Variants in HMGB1 observed in about 807,000 individuals in gnomAD.
HMGB1 encodes high mobility group protein B1.
For missense variants in HMGB1, 79 were observed against 253.5 expected (o/e 0.31, Z 4.67); for synonymous variants, 81 against 84.0 (o/e 0.96, Z 0.19).
chr13:30,537,255 A>C (rs1342647301), intron 1 of HMGB1, among the ~76,000 whole-genome samples: 2 of 152,162 alleles, frequency 1.3e-5, no homozygotes, highest in Non-Finnish European at 2.9e-5. Context: ...ACCCAGCCAC[A>C]ACCAAAGCTT....
At chr13:30,502,740 C>T (rs1392989806) in intron 1 of HMGB1, among the ~76,000 whole-genome samples, 3 of 151,922 alleles carry the variant, frequency 2.0e-5, no homozygotes, top group Non-Finnish European at 2.9e-5. Context: ...CTCACTGCAA[C>T]CTCCACCTCA....
At chr13:30,614,478 G>C (rs1950541842) in intron 1 of HMGB1, among the ~76,000 whole-genome samples, 1 of 152,076 alleles carries the variant, frequency 6.6e-6, no homozygotes, top group South Asian at 2.1e-4. Flanking sequence ...CTTGCATAAG[G>C]TCACACAGCA....
At chr13:30,505,926 T>C (rs1887855566) in intron 1 of HMGB1, among the ~76,000 whole-genome samples, 1 of 152,052 alleles carries the variant, frequency 6.6e-6, no homozygotes, top group Non-Finnish European at 1.5e-5. Context: ...GGTTTTGTCA[T>C]GTTCGCCAGG....
intron 1 of HMGB1, among the ~76,000 whole-genome samples, chr13:30,495,454 G>A (rs1438272150): frequency 6.6e-6 from 1 of 151,380 alleles, no homozygotes; most frequent in Non-Finnish European, 1.5e-5. Flanking sequence ...GAGCGACACT[G>A]AATATTTCCC....
chr13:30,616,908 T>C (rs894536926), exon 1 of HMGB1: 5 of 152,166 alleles, frequency 3.3e-5, no homozygotes, highest in Admixed American at 3.3e-4. Flanking sequence ...TGTAAAGAAA[T>C]GGTCAGAAAC....
chr13:30,551,698 C>T (rs1869436208), intron 1 of HMGB1, among the ~76,000 whole-genome samples: 1 of 152,112 alleles, frequency 6.6e-6, no homozygotes, highest in Non-Finnish European at 1.5e-5. Context: ...GTCCCACTAA[C>T]CACTGCAATT....
chr13:30,502,787 T>C (rs1025841394), intron 1 of HMGB1, among the ~76,000 whole-genome samples: 5 of 152,058 alleles, frequency 3.3e-5, no homozygotes, highest in Non-Finnish European at 7.4e-5. Context: ...GTGATTCACC[T>C]GCCTCAGCTT....
At chr13:30,549,313 G>C (rs1221069893) in intron 1 of HMGB1, among the ~76,000 whole-genome samples, 1 of 152,148 alleles carries the variant, frequency 6.6e-6, no homozygotes, top group African/African-American at 2.4e-5. Context: ...TGTCTGACCA[G>C]ATTGGGGCAG....
chr13:30,496,203 A>AT (rs768535498), intron 1 of HMGB1, among the ~76,000 whole-genome samples: 14 of 152,170 alleles, frequency 9.2e-5, no homozygotes, highest in Admixed American at 9.2e-4. Context: ...TTAGGAGAGC[A>AT]TTTTTTTCCT....
chr13:30,615,854 C>T (rs1417053661), intron 1 of HMGB1, among the ~76,000 whole-genome samples: 3 of 152,072 alleles, frequency 2.0e-5, no homozygotes, highest in Admixed American at 6.6e-5. Context: ...TGCAGCTGTT[C>T]GTTAGTTATT....
chr13:30,460,118 T>C lies in HMGB1; in HGVS notation c.*1239A>G, dbSNP rs1407280437. On this transcript the variant is annotated 3_prime_UTR_variant, in exon 5 of 5. Transcript: ENST00000341423. ...CAGATAAACATGACTAATGAATGAG[T>C]TTGTTTTGTAAAGAAAAATCATTCA... 1.3e-5 allele frequency: 2 copies of C among 152,250 alleles called. No homozygotes were observed. Among genetic ancestry groups the C allele is most frequent in the Non-Finnish European group, 2.9e-5 (2 of 67,904 alleles). The allele number at this position is 152,250 out of a possible 1,614,324, so 9.4% of individuals were successfully genotyped here.
rs368122446 is a variant in HMGB1 at position 30,462,547 on chromosome 13, T to C, written c.462A>G (p.Lys154=). 6.8e-6 allele frequency: 11 copies of C among 1,610,534 alleles called. No individual in the cohort carries two copies. The highest frequency in any genetic ancestry group is 9.3e-6 in the Non-Finnish European group (11 of 1,176,986). ...YEKKAAKLKE[K]YEKDIAAYRA... ...AACCCACACTTCTTACCTTTTCATA[T>C]TTTTCCTTCAGCTTCGCAGCCTTCT... Residue 154 remains lysine (K), a synonymous_variant, in exon 4 of 5, where the codon AAA becomes AAG. Transcript: ENST00000341423.
intron 1 of HMGB1, among the ~76,000 whole-genome samples, chr13:30,554,884 G>A (rs1216996880): frequency 3.9e-5 from 6 of 152,100 alleles, no homozygotes; most frequent in Non-Finnish European, 8.8e-5. Context: ...AACAAGACCT[G>A]AAGCCCACTC....
intron 1 of HMGB1, among the ~76,000 whole-genome samples, chr13:30,465,438 C>T (rs981668675): frequency 6.9e-6 from 1 of 144,178 alleles, no homozygotes; most frequent in African/African-American, 2.5e-5. Context: ...GCGCTCCGCG[C>T]ACGCCGCCCG....
intron 1 of HMGB1, among the ~76,000 whole-genome samples, chr13:30,586,482 T>TTTTTG (rs1871155845): frequency 2.0e-5 from 1 of 50,328 alleles, no homozygotes; most frequent in Non-Finnish European, 3.9e-5. Context: ...TTTTTTTGTT[T>TTTTTG]TTTTTTTTTT....
rs1868575663 is a variant in HMGB1, at chr13:30,538,482, C to CTTTCTTTCTTTCTTTCTT, written c.-14-74806_-14-74789dup. On this transcript the variant is annotated intron_variant, in intron 1 of 4. Coordinates refer to the HMGB1 transcript ENST00000405805. ...TCTTTCTTTCTTTCTTTCTTTCTTTCTTTCTTTCTTTCTTTCTTTCTTTCT... is the reference window on the plus strand; with the variant it reads ...TCTTTCTTTCTTTCTTTCTTTCTTTCTTTCTTTCTTTCTTTCTTTTTCTTTCTTTCTTTCTTTCTTTCT... Among the ~76,000 whole-genome samples the CTTTCTTTCTTTCTTTCTT allele has an allele frequency of 3.9e-4, 13 of 33,532 alleles. No individual in the cohort carries two copies. The Admixed American group carries it at 4.4e-3, about 11-fold the overall frequency. 22.0% of individuals were successfully genotyped at this position (33,532 alleles called of 152,430 possible).
chr13:30,600,217 G>A (rs1302461796), intron 1 of HMGB1, among the ~76,000 whole-genome samples: 3 of 152,022 alleles, frequency 2.0e-5, no homozygotes, highest in Non-Finnish European at 4.4e-5. Context: ...AATAATCTCT[G>A]GCAGAGCAAT....
intron 1 of HMGB1, among the ~76,000 whole-genome samples, chr13:30,586,947 TCCC>T (rs1334562493): frequency 6.6e-6 from 1 of 152,090 alleles, no homozygotes. Flanking sequence ...AAATGTTTGT[TCCC>T]CCAAGTATTT....
At chr13:30,576,125 T>C (rs73456534) in intron 1 of HMGB1, among the ~76,000 whole-genome samples, 11,663 of 152,234 alleles carry the variant, frequency 0.077, 1,063 homozygotes, top group African/African-American at 0.22. Context: ...CAAATGCATA[T>C]ACAAATAAAA....
Sources: gnomAD v4.1 joint callset for allele counts (sites outside exome capture counted in the v4.1 genomes callset) on GRCh38, gnomAD v4.1.1 for gene constraint, MANE v1.5 for transcripts, NCBI Gene and HGNC (gene_info 2026-07-23, HGNC 2026-07-21) for gene names.